Variants in SLC26A11 observed in about 807,000 individuals in gnomAD.
The protein encoded by SLC26A11 is solute carrier family 26 member 11.
Under a neutral mutation model 62.2 loss-of-function variants are expected in SLC26A11, and 58 were observed. The ratio of observed to expected loss-of-function variants is 0.93; its 90% CI spans 0.76 to 1.16. The LOEUF (loss-of-function observed/expected upper bound fraction) is 1.16, where lower values mean the gene tolerates loss of function less well. Ranked by LOEUF, SLC26A11 falls within the 50% of genes most tolerant of loss-of-function variation. SLC26A11 has a pLI of 0.00. For missense variants in SLC26A11, 790 were observed against 794.3 expected (o/e 0.99, Z 0.06); for synonymous variants, 411 against 368.9 (o/e 1.11, Z -1.31).
rs1354181155 is a variant in SLC26A11 at position 80,222,638 on chromosome 17, A to G, written c.235-17A>G. On this transcript the variant is annotated splice_polypyrimidine_tract_variant and intron_variant, in intron 3 of 17. Transcript: ENST00000361193. The surrounding 1 kb of genome is among the most constrained non-coding windows in gnomAD (Gnocchi z 4.7). ...GGCCTCGGCCTCCTGAGTGCTCACC[A>G]CCCTCTCTCCCCACAGTATGGCCTC... The G allele has an allele frequency of 1.9e-6, 3 of 1,609,212 alleles. No homozygotes were observed. The highest frequency in any genetic ancestry group is 2.2e-5 in the East Asian group (1 of 44,766).
intron 8 of SLC26A11, chr17:80,237,311 C>T (rs774213161): frequency 3.7e-5 from 28 of 760,398 alleles, no homozygotes; most frequent in Admixed American, 3.5e-4. Flanking sequence ...TGTTCAGGGG[C>T]GCTTCTCCTG....
At chr17:80,251,624 G>A (rs1422848630) in intron 17 of SLC26A11, among the ~76,000 whole-genome samples, 5 of 152,214 alleles carry the variant, frequency 3.3e-5, no homozygotes, top group South Asian at 2.1e-4. Flanking sequence ...TTAGCTGGGT[G>A]TGGTGGCATG....
At chr17:80,251,823 A>G (rs928588362) in intron 17 of SLC26A11, among the ~76,000 whole-genome samples, 3 of 151,186 alleles carry the variant, frequency 2.0e-5, no homozygotes, top group African/African-American at 7.3e-5. Context: ...TTTGGTGATC[A>G]CTCCATACCC....
rs553355999 is a variant in SLC26A11, at chr17:80,246,300, G to A, written c.1153+91G>A. The A allele has an allele frequency of 1.7e-4, 256 of 1,509,830 alleles. 3 individuals are homozygous for A. The South Asian group carries it at 3.0e-3, about 18-fold the overall frequency. 93.5% of individuals were successfully genotyped at this position (1,509,830 alleles called of 1,614,324 possible). On this transcript the variant is annotated intron_variant, in intron 12 of 17. Coordinates refer to ENST00000361193, the MANE Select transcript of SLC26A11 (RefSeq NM_001166347.2). This position sits in a 1 kb window ranked among gnomAD's most constrained non-coding sequence, Gnocchi z 4.4. The stretch of plus-strand genomic sequence containing the variant: ...CACAGAGACGTCCCTTTGGCTCATG[G>A]GCCGTGCGCCCCGGGACTGCACAGG...
Position 80,246,654 on chromosome 17 carries a change from G to C in SLC26A11, c.1294+5G>C. On this transcript the variant is annotated splice_donor_5th_base_variant and intron_variant, in intron 13 of 17. Transcript: ENST00000361193. This position sits in a 1 kb window ranked among gnomAD's most constrained non-coding sequence, Gnocchi z 4.4. ...GGACGCTCTGGCGTGTTAAGAGTAC[G>C]TCCTTGTCCTACAGGGGAGAGCGCT... is the stretch of plus-strand genomic sequence containing the variant. 1 of 1,613,052 alleles carries C rather than the reference G, an allele frequency of 6.2e-7. No homozygotes were observed. Among genetic ancestry groups the C allele is most frequent in the Non-Finnish European group, 8.5e-7 (1 of 1,179,688 alleles).
chr17:80,245,314 G>T (rs2042966110), intron 11 of SLC26A11, 58 bp downstream of exon 11: 1 of 1,566,246 alleles, frequency 6.4e-7, no homozygotes, highest in South Asian at 1.1e-5. Context: ...ACGTTGTTAC[G>T]CTGACAAGGA....
Position 80,237,529 on chromosome 17 carries a change from G to A in SLC26A11, c.920G>A (p.Gly307Glu). ...CCCTCTCTCCTCTCTCAGGACATGG[G>A]AGCCGGGCTGGCCGTGGTGCCCCTG... is the stretch of plus-strand genomic sequence containing the variant. ...ISFTEMVQDM[G>E]AGLAVVPLMG... Residue 307 changes from glycine (G) to glutamate (E), a missense_variant, in exon 9 of 18, where the codon GGA becomes GAA. Physicochemically the swap from Gly to Glu is moderately conservative, Grantham distance 98. Coordinates refer to ENST00000361193, the MANE Select transcript of SLC26A11 (RefSeq NM_001166347.2). 1 of 1,610,712 alleles carries A rather than the reference G, an allele frequency of 6.2e-7. No individual in the cohort carries two copies. Among genetic ancestry groups the A allele is most frequent in the Non-Finnish European group, 8.5e-7 (1 of 1,178,724 alleles).
chr17:80,237,377 C>T, intron 8 of SLC26A11, 145 bp from the exon 9 acceptor site: 1 of 849,220 alleles, frequency 1.2e-6, no homozygotes, highest in East Asian at 2.7e-5. Context: ...CCTGGCGCCT[C>T]TTCAGACAAG....
chr17:80,238,621 G>C (rs8079641), intron 9 of SLC26A11, among the ~76,000 whole-genome samples: 3 of 151,796 alleles, frequency 2.0e-5, no homozygotes, highest in Admixed American at 2.0e-4. Context: ...TGACACCTTC[G>C]TTCTGTCTTG....
intron 5 of SLC26A11, among the ~76,000 whole-genome samples, chr17:80,224,461 G>A (rs2042346491): frequency 6.6e-6 from 1 of 151,610 alleles, no homozygotes; most frequent in Non-Finnish European, 1.5e-5. Context: ...GTGTGAGAGT[G>A]TGAGTGTGTG....
Position 80,246,133 on chromosome 17 carries a change from G to A in SLC26A11, c.1098-21G>A, listed in dbSNP as rs200625063. The A allele has an allele frequency of 3.4e-5, 55 of 1,613,098 alleles. No homozygotes were observed. The East Asian group carries it at 8.7e-4, about 25-fold the overall frequency. On this transcript the variant is annotated intron_variant, in intron 11 of 17. Coordinates refer to ENST00000361193, the MANE Select transcript of SLC26A11 (RefSeq NM_001166347.2). This position sits in a 1 kb window ranked among gnomAD's most constrained non-coding sequence, Gnocchi z 4.4. ...CTTTTCCCGGCCCCTGGTGACTGAC[G>A]GTCTCTGTGTTGCCTTCCAGGACAG...
At chr17:80,238,285 C>T (rs1170880751) in intron 9 of SLC26A11, among the ~76,000 whole-genome samples, 4 of 152,086 alleles carry the variant, frequency 2.6e-5, no homozygotes, top group Admixed American at 6.5e-5. Flanking sequence ...CCCGGGAGGT[C>T]GAGGTGGCAT....
At position 80,246,566 on chromosome 17, in the gene SLC26A11, A is replaced by T; in HGVS notation, c.1211A>T (p.Lys404Met). 6.2e-7 allele frequency: 1 copy of T among 1,613,768 alleles called. No homozygotes were observed. The highest frequency in any genetic ancestry group is 1.1e-5 in the South Asian group (1 of 91,076). ...YLTSLFYYIP[K>M]SALAAVIIMA... Reference sequence around the variant, plus strand: ...ACCTCACTGTTCTACTACATCCCCAAGTCTGCCCTGGCTGCCGTCATCATC... The same window carrying T: ...ACCTCACTGTTCTACTACATCCCCATGTCTGCCCTGGCTGCCGTCATCATC... Residue 404 changes from lysine to methionine, a missense_variant, in exon 13 of 18, where the codon AAG (lysine) becomes ATG (methionine). Transcript: ENST00000361193. The surrounding 1 kb of genome is among the most constrained non-coding windows in gnomAD (Gnocchi z 4.4).
At chr17:80,220,553 A>C in intron 1 of SLC26A11, 57 bp downstream of exon 1, 2 of 343,134 alleles carry the variant, frequency 5.8e-6, no homozygotes, top group East Asian at 4.9e-5. Flanking sequence ...GGGAGCGGAC[A>C]GTGGCCGGGG....
At chr17:80,248,389 C>A (rs907572696) in intron 14 of SLC26A11, 132 bp downstream of exon 14, 1 of 1,358,582 alleles carries the variant, frequency 7.4e-7, no homozygotes, top group Non-Finnish European at 9.9e-7. Context: ...GGCAGGTGGG[C>A]AGTCACCTTG....
chr17:80,226,682 T>TA (rs1382043300), intron 6 of SLC26A11, among the ~76,000 whole-genome samples: 1 of 152,044 alleles, frequency 6.6e-6, no homozygotes, highest in Non-Finnish European at 1.5e-5. Context: ...GCCCGGGTGA[T>TA]AGAGTGAGAC....
At chr17:80,237,743 T>G in intron 9 of SLC26A11, 149 bp downstream of exon 9, 2 of 736,748 alleles carry the variant, frequency 2.7e-6, no homozygotes, top group Non-Finnish European at 4.5e-6. Flanking sequence ...TACATATGTA[T>G]TGTGTATATA....
chr17:80,225,660 G>T (rs543470313), intron 5 of SLC26A11, 177 bp from the exon 6 acceptor site: 6 of 616,288 alleles, frequency 9.7e-6, no homozygotes, highest in African/African-American at 9.1e-5. Context: ...CTGCCCTAGG[G>T]GGCGTTGGGA....
chr17:80,225,782 A>G (rs1343153995), intron 5 of SLC26A11, 55 bp from the exon 6 acceptor site: 1 of 1,501,064 alleles, frequency 6.7e-7, no homozygotes. Context: ...AGCTGGGGAC[A>G]GATGGCCTTG....
Sources: allele counts gnomAD v4.1 joint callset (sites outside exome capture counted in the v4.1 genomes callset), GRCh38; gene constraint gnomAD v4.1.1; non-coding constraint Gnocchi (gnomAD v3.1); transcripts MANE v1.5; gene names NCBI Gene and HGNC (gene_info 2026-07-23, HGNC 2026-07-21).